The following ANKMY1 variants were observed in gnomAD, a reference collection of about 807,000 sequenced individuals.
ANKMY1 encodes the protein ankyrin repeat and MYND domain-containing protein 1.
A neutral mutation model predicts 102.0 loss-of-function variants in ANKMY1; 98 were observed. That is an observed-to-expected ratio of 0.96 (90% confidence interval 0.82 to 1.14). The LOEUF (loss-of-function observed/expected upper bound fraction) is 1.14, where lower values mean the gene tolerates loss of function less well. ANKMY1 is among the 50% of genes most tolerant of loss of function. The pLI is 0.00. For synonymous variants in ANKMY1, 582 were observed against 559.9 expected (o/e 1.04, Z -0.56); for missense variants, 1,330 against 1,347.6 (o/e 0.99, Z 0.20).
At chr2:240,471,112 G>GAAAAAA in the ANKMY1 span, among the ~76,000 whole-genome samples, 1 of 150,044 alleles carries the variant, frequency 6.7e-6, no homozygotes. Context: ...ATCTGGGCAG[G>GAAAAAA]AAAAAAAAAA....
chr2:240,509,466 A>G lies in ANKMY1; in HGVS notation c.2287-11T>C. The G allele has an allele frequency of 6.3e-7, 1 of 1,598,430 alleles. No homozygotes were observed. The highest frequency in any genetic ancestry group is 1.1e-5 in the South Asian group (1 of 89,648). ...TATGTCCCTGGCACACTGGGTGGGG[A>G]GAAATGACAGGTTAGAGAGGCACCC... On this transcript the variant is annotated splice_polypyrimidine_tract_variant and intron_variant, in intron 11 of 17. Coordinates refer to ENST00000401804, the MANE Select transcript of ANKMY1 (RefSeq NM_001282771.3).
chr2:240,549,567 G>A (rs1233991489), intron 4 of ANKMY1, among the ~76,000 whole-genome samples: 1 of 152,124 alleles, frequency 6.6e-6, no homozygotes, highest in Non-Finnish European at 1.5e-5. Flanking sequence ...TACCATCAGA[G>A]TAAACAGGCA....
intron 10 of ANKMY1, among the ~76,000 whole-genome samples, chr2:240,512,437 C>T (rs2080396446): frequency 1.3e-5 from 2 of 152,170 alleles, no homozygotes; most frequent in South Asian, 4.1e-4. Context: ...AGGATGGCTT[C>T]GGCCTGGAGG....
At chr2:240,558,118 G>T, upstream of ANKMY1, 1 of 381,866 alleles carries the variant, frequency 2.6e-6, no homozygotes, top group Non-Finnish European at 3.6e-6. Flanking sequence ...GACTTCAGGG[G>T]CTTGGGGCCG....
Position 240,557,942 on chromosome 2 carries a change from C to T in ANKMY1, c.-79G>A, listed in dbSNP as rs1268519120. ...GAGACCGACGGGACTGCAGCCACCG[C>T]GGACGCCCGCGCTCCCGTCCCGACT... On this transcript the variant is annotated 5_prime_UTR_variant, in exon 1 of 18. Transcript: ENST00000401804. 2.0e-6 allele frequency: 2 copies of T among 985,636 alleles called. No individual in the cohort carries two copies. The highest frequency in any genetic ancestry group is 2.3e-4 in the East Asian group (2 of 8,804). The allele number at this position is 985,636 out of a possible 1,614,324, so 61.1% of individuals were successfully genotyped here. A position where few individuals can be genotyped will look rare whatever the true frequency, so the allele number is the denominator to read the frequency against.
Position 240,524,040 on chromosome 2 carries a change from G to A in ANKMY1, c.1677C>T (p.Ser559=), listed in dbSNP as rs1381116468. ...SLCSAETKFE[S]NVCVCDFSIE... ...TGGAGAAGTCGCACACACACACGTT[G>A]GACTCAAATTTCGTCTCAGCACTGC... Residue 559 remains serine (S), a synonymous_variant, in exon 8 of 18, where the codon TCC becomes TCT. Transcript: ENST00000401804. The A allele has an allele frequency of 2.3e-5, 37 of 1,613,876 alleles. No individual in the cohort carries two copies. Among genetic ancestry groups the A allele is most frequent in the Middle Eastern group, 1.6e-4 (1 of 6,084 alleles).
At chr2:240,511,682 A>G (rs1441735282) in intron 11 of ANKMY1, among the ~76,000 whole-genome samples, 179 bp downstream of exon 11, 2 of 152,234 alleles carry the variant, frequency 1.3e-5, no homozygotes, top group African/African-American at 2.4e-5. Flanking sequence ...GCGTGTGTGC[A>G]TGTGAGTGGG....
chr2:240,500,392 CG>C, intron 14 of ANKMY1, 59 bp downstream of exon 14: 1 of 1,511,140 alleles, frequency 6.6e-7, no homozygotes, highest in Non-Finnish European at 9.1e-7. Flanking sequence ...ATGCCCCAGC[CG>C]GGGGCCCTGC....
At chr2:240,530,671 A>T (rs1432895917) in intron 4 of ANKMY1, among the ~76,000 whole-genome samples, 2 of 152,146 alleles carry the variant, frequency 1.3e-5, no homozygotes, top group African/African-American at 2.4e-5. Context: ...CACCCATGCT[A>T]CACACCCGCC....
At chr2:240,488,251 T>C (rs2076278142) in intron 15 of ANKMY1, among the ~76,000 whole-genome samples, 1 of 152,226 alleles carries the variant, frequency 6.6e-6, no homozygotes, top group Non-Finnish European at 1.5e-5. Flanking sequence ...TGTATGTTCT[T>C]ATCAGCTTTG....
chr2:240,482,575 G>A (rs947662076), intron 15 of ANKMY1, among the ~76,000 whole-genome samples: 3 of 152,206 alleles, frequency 2.0e-5, no homozygotes, highest in African/African-American at 7.2e-5. Flanking sequence ...TCTTAAACTT[G>A]TTATTTAGAC....
chr2:240,546,624 T>G (rs1195450915), intron 4 of ANKMY1, among the ~76,000 whole-genome samples: 1 of 152,108 alleles, frequency 6.6e-6, no homozygotes, highest in Non-Finnish European at 1.5e-5. Flanking sequence ...CCATCCCACG[T>G]GCAGAGACAC....
chr2:240,513,108 G>A (rs1422130185), intron 9 of ANKMY1, among the ~76,000 whole-genome samples, 166 bp from the exon 10 acceptor site: 1 of 152,216 alleles, frequency 6.6e-6, no homozygotes, highest in Non-Finnish European at 1.5e-5. Context: ...TGAAGGCAGT[G>A]TGGGCAAACT....
At chr2:240,495,069 G>A (rs1200885651) in intron 15 of ANKMY1, among the ~76,000 whole-genome samples, 1 of 152,146 alleles carries the variant, frequency 6.6e-6, no homozygotes, top group African/African-American at 2.4e-5. Flanking sequence ...GGGACATGGT[G>A]AGAAGTGACC....
intron 9 of ANKMY1, among the ~76,000 whole-genome samples, chr2:240,514,491 C>A (rs1413553956): frequency 6.6e-6 from 1 of 152,186 alleles, no homozygotes; most frequent in East Asian, 1.9e-4. Flanking sequence ...GACAGTGAGA[C>A]AGGACCTTCA....
intron 15 of ANKMY1, among the ~76,000 whole-genome samples, chr2:240,492,773 C>G (rs543993166): frequency 1.3e-5 from 2 of 152,258 alleles, no homozygotes; most frequent in Non-Finnish European, 2.9e-5. Context: ...TCACTGCAAC[C>G]TCCGCCTCCC....
intron 4 of ANKMY1, among the ~76,000 whole-genome samples, chr2:240,536,635 AG>A (rs1316901861): frequency 6.6e-6 from 1 of 152,244 alleles, no homozygotes; most frequent in African/African-American, 2.4e-5. Flanking sequence ...AAAACAATTG[AG>A]CAGTAACATA....
Position 240,509,385 on chromosome 2 carries a change from G to C in ANKMY1, c.2357C>G (p.Ser786Cys). The C allele has an allele frequency of 6.2e-7, 1 of 1,613,778 alleles. No homozygotes were observed. The highest frequency in any genetic ancestry group is 1.1e-5 in the South Asian group (1 of 91,030). The part of the protein sequence containing the change: ...ANPNLLWSGH[S>C]PLSLSIASGN... ...ACTGGCAATGGACAGGGAGAGCGGG[G>C]AGTGGCCACTCCACAGCAGGTTAGG... The change falls in exon 12 of 18, where the codon TCC (serine) becomes TGC (cysteine). Residue 786 changes from serine (S) to cysteine (C), a missense_variant. Ser to Cys is a moderately radical substitution (Grantham distance 112). Coordinates refer to ENST00000401804, the MANE Select transcript of ANKMY1 (RefSeq NM_001282771.3).
intron 6 of ANKMY1, 60 bp from the exon 7 acceptor site, chr2:240,525,909 T>TC: frequency 7.6e-6 from 12 of 1,576,778 alleles, no homozygotes; most frequent in Non-Finnish European, 1.0e-5. Flanking sequence ...GTGGGAAGGG[T>TC]CACTGGGTGT....
Sources: gnomAD v4.1 joint callset for allele counts (sites outside exome capture counted in the v4.1 genomes callset) on GRCh38, gnomAD v4.1.1 for gene constraint, MANE v1.5 for transcripts, NCBI Gene and HGNC (gene_info 2026-07-23, HGNC 2026-07-21) for gene names.